Variants in RBM18 observed in about 807,000 individuals in gnomAD.
RBM18 encodes the protein RNA binding motif protein 18.
A neutral mutation model predicts 26.4 loss-of-function variants in RBM18; 18 were observed. The ratio of observed to expected loss-of-function variants is 0.68; its 90% CI spans 0.47 to 1.01. The LOEUF (loss-of-function observed/expected upper bound fraction) is 1.01, where lower values mean the gene tolerates loss of function less well. RBM18 is among the 50% of genes least tolerant of loss of function. RBM18 has a pLI of 0.00. For synonymous variants in RBM18, 74 were observed against 81.1 expected, an observed-to-expected ratio of 0.91 and a Z score of 0.47; for missense variants, 180 against 219.2, an observed-to-expected ratio of 0.82 and a Z score of 1.13.
chr9:122,258,947 C>A (rs1831743619), intron 2 of RBM18, among the ~76,000 whole-genome samples: 1 of 148,776 alleles, frequency 6.7e-6, no homozygotes, highest in African/African-American at 2.5e-5. Flanking sequence ...AAAAAAGAAT[C>A]TATAGGAAAA....
intron 2 of RBM18, among the ~76,000 whole-genome samples, chr9:122,258,682 G>A (rs1405575769): frequency 3.3e-5 from 5 of 152,100 alleles, no homozygotes; most frequent in Non-Finnish European, 7.4e-5. Flanking sequence ...GCTCACGCCT[G>A]TAATCCCAAC....
intron 3 of RBM18, among the ~76,000 whole-genome samples, chr9:122,249,451 G>A (rs1382346095): frequency 1.3e-5 from 2 of 152,062 alleles, no homozygotes; most frequent in Non-Finnish European, 2.9e-5. Flanking sequence ...GGTGGCTCAC[G>A]CCTGTAATTT....
chr9:122,249,950 A>G (rs959974331), intron 3 of RBM18, among the ~76,000 whole-genome samples: 7 of 150,754 alleles, frequency 4.6e-5, no homozygotes, highest in Admixed American at 4.0e-4. Context: ...ATGTGCCTGT[A>G]GTCCCAGCTA....
At chr9:122,246,004 A>G (rs1045613017) in intron 4 of RBM18, among the ~76,000 whole-genome samples, 6 of 151,990 alleles carry the variant, frequency 3.9e-5, no homozygotes, top group Non-Finnish European at 5.9e-5. Context: ...AAAACAAAAA[A>G]CCTTTAAATT....
Position 122,241,950 on chromosome 9 carries a change from G to T in RBM18, c.507C>A (p.Tyr169Ter), listed in dbSNP as rs202121880. The T allele has an allele frequency of 1.2e-6, 2 of 1,614,064 alleles. No homozygotes were observed. Among genetic ancestry groups the T allele is most frequent in the Non-Finnish European group, 1.7e-6 (2 of 1,179,964 alleles). The stretch of plus-strand genomic sequence containing the variant: ...TCCTTTTTTTATCTGGTGGCTTAAA[G>T]TAGGAATAAACAGGCGCTGCTGGAT... ...AEYPAAPVYS[Y>*]FKPPDKKRTT... Residue 169 changes from tyrosine (Y) to a stop codon, truncating the protein, a stop_gained, in exon 6 of 6, where the codon TAC (tyrosine) becomes TAA (stop). Coordinates refer to ENST00000417201, the MANE Select transcript of RBM18 (RefSeq NM_033117.4). LOFTEE classifies it high-confidence loss of function.
At position 122,237,624 on chromosome 9, in the gene RBM18, C is replaced by G. The variant is rs900535744; in HGVS notation, c.*4260G>C. On this transcript the variant is annotated 3_prime_UTR_variant, in exon 6 of 6. Coordinates refer to ENST00000417201, the MANE Select transcript of RBM18 (RefSeq NM_033117.4). ...GAGACATTGACTAAGAAACAATATTCGGTGCACATCATTCTGACATCTGTT... is the reference window on the plus strand; with the variant it reads ...GAGACATTGACTAAGAAACAATATTGGGTGCACATCATTCTGACATCTGTT... The G allele has an allele frequency of 3.9e-5, 6 of 152,214 alleles. No individual in the cohort carries two copies. Among genetic ancestry groups the G allele is most frequent in the African/African-American group, 7.2e-5 (3 of 41,454 alleles). The allele number at this position is 152,214 out of a possible 1,614,324, so 9.4% of individuals were successfully genotyped here.
intron 2 of RBM18, chr9:122,254,206 A>AAC: frequency 3.9e-6 from 1 of 258,892 alleles, no homozygotes; most frequent in Non-Finnish European, 6.1e-6. Context: ...GAAAAAAAAA[A>AAC]ACACACACAC....
rs752852889 is a variant in RBM18 at position 122,247,489 on chromosome 9, T to C, written c.327+29A>G. The C allele has an allele frequency of 4.4e-6, 7 of 1,591,652 alleles. No homozygotes were observed. The East Asian group carries it at 1.3e-4, about 31-fold the overall frequency. Reference sequence around the variant, plus strand: ...TCAGAAGGCTTGTTTAGGATGAGGCTTGATGTCTTTCTAGCCTCTCAGACG... The same window carrying C: ...TCAGAAGGCTTGTTTAGGATGAGGCCTGATGTCTTTCTAGCCTCTCAGACG... On this transcript the variant is annotated intron_variant, in intron 4 of 5. Coordinates refer to ENST00000417201, the MANE Select transcript of RBM18 (RefSeq NM_033117.4).
chr9:122,260,975 T>A (rs1465111523), intron 2 of RBM18, among the ~76,000 whole-genome samples: 1 of 152,084 alleles, frequency 6.6e-6, no homozygotes. Context: ...TAATATGAAT[T>A]ACAGTCAAGT....
Position 122,245,344 on chromosome 9 carries a change from G to C in RBM18, c.328-3C>G. On this transcript the variant is annotated splice_region_variant and splice_polypyrimidine_tract_variant and intron_variant, in intron 4 of 5. Transcript: ENST00000417201. ...TCATTCTTGTTATGATCATATCTCT[G>C]AAAATGAGAAATAGAGAAATTACTT... The C allele has an allele frequency of 6.3e-7, 1 of 1,584,554 alleles. No individual in the cohort carries two copies. Among genetic ancestry groups the C allele is most frequent in the Non-Finnish European group, 8.7e-7 (1 of 1,153,792 alleles).
chr9:122,261,606 G>A lies in RBM18; in HGVS notation c.-16-98C>T, dbSNP rs1275203306. 4 of 802,364 alleles carry A rather than the reference G, an allele frequency of 5.0e-6. No individual in the cohort carries two copies. In the African/African-American group the frequency reaches 5.1e-5, roughly 10 times the overall value. 49.7% of individuals were successfully genotyped at this position (802,364 alleles called of 1,614,324 possible). A position where few individuals can be genotyped will look rare whatever the true frequency, so the allele number is the denominator to read the frequency against. On this transcript the variant is annotated intron_variant, in intron 1 of 5. Coordinates refer to ENST00000417201, the MANE Select transcript of RBM18 (RefSeq NM_033117.4). ...ACAAACATTTATTCAAGGAGGGCAT[G>A]CCCTCTGGGCAGTCCTTCAAAGGCC...
chr9:122,241,170 A>G lies in RBM18; in HGVS notation c.*714T>C, dbSNP rs1202281886. On this transcript the variant is annotated 3_prime_UTR_variant, in exon 6 of 6. Coordinates refer to ENST00000417201, the MANE Select transcript of RBM18 (RefSeq NM_033117.4). Reference sequence around the variant, plus strand: ...TTTAGATTTGAAAAAAATGGTTGCTATAGAATAAAAGTTCAATTTCCAAAT... The same window carrying G: ...TTTAGATTTGAAAAAAATGGTTGCTGTAGAATAAAAGTTCAATTTCCAAAT... The G allele has an allele frequency of 1.3e-5, 2 of 152,258 alleles. No homozygotes were observed. The highest frequency in any genetic ancestry group is 3.8e-4 in the East Asian group (2 of 5,200). 9.4% of individuals were successfully genotyped at this position (152,258 alleles called of 1,614,324 possible). A position where few individuals can be genotyped will look rare whatever the true frequency, so the allele number is the denominator to read the frequency against.
chr9:122,241,838 G>A lies in RBM18; in HGVS notation c.*46C>T. 1 of 1,574,380 alleles carries A rather than the reference G, an allele frequency of 6.4e-7. No individual in the cohort carries two copies. The stretch of plus-strand genomic sequence containing the variant: ...CAAAGTACACAGGCAGACGATTTTA[G>A]GTGTGGAGACCAATTTGCTTTTGCT... On this transcript the variant is annotated 3_prime_UTR_variant, in exon 6 of 6. Transcript: ENST00000417201.
chr9:122,247,134 A>C (rs1387620331), intron 4 of RBM18, among the ~76,000 whole-genome samples: 1 of 152,192 alleles, frequency 6.6e-6, no homozygotes. Context: ...TAGAATAAAC[A>C]AATTCAAATC....
chr9:122,251,894 C>A lies in RBM18; in HGVS notation c.193G>T (p.Glu65Ter). ...AAACAGTAGCCTCGAGGCTGTCCCT[C>A]CAAAGCACCTGACTTGTGGAAGAGG... Reference protein sequence around the residue: ...DFLFHKSGALEGQPRGYCFVN... With the variant: ...DFLFHKSGAL Residue 65 changes from glutamate to a stop codon, truncating the protein, a stop_gained, in exon 3 of 6, where the codon GAG (glutamate) becomes TAG (stop). Transcript: ENST00000417201. LOFTEE classifies it high-confidence loss of function. The A allele has an allele frequency of 1.2e-6, 2 of 1,614,172 alleles. No homozygotes were observed. The highest frequency in any genetic ancestry group is 1.7e-6 in the Non-Finnish European group (2 of 1,180,008).
At chr9:122,261,280 G>C in intron 2 of RBM18, 100 bp downstream of exon 2, 2 of 786,798 alleles carry the variant, frequency 2.5e-6, no homozygotes, top group African/African-American at 3.4e-5. Flanking sequence ...TAAGTAAAAG[G>C]GTCTAAGTAT....
At chr9:122,242,973 G>A (rs561579855) in intron 5 of RBM18, among the ~76,000 whole-genome samples, 1 of 152,128 alleles carries the variant, frequency 6.6e-6, no homozygotes, top group South Asian at 2.1e-4. Context: ...ATTACAGGTA[G>A]CAAGCGCCAC....
intron 2 of RBM18, among the ~76,000 whole-genome samples, chr9:122,260,453 T>C (rs966809680): frequency 2.0e-5 from 3 of 152,204 alleles, no homozygotes; most frequent in Admixed American, 6.5e-5. Context: ...ACCCTCCCTC[T>C]ATCAAATAAC....
rs1455956074 is a variant in RBM18, at chr9:122,237,714, T to TA, written c.*4169dup. 5.9e-5 allele frequency: 9 copies of TA among 152,254 alleles called. No homozygotes were observed. Among genetic ancestry groups the TA allele is most frequent in the Non-Finnish European group, 1.3e-4 (9 of 68,048 alleles). The allele number at this position is 152,254 out of a possible 1,614,324, so 9.4% of individuals were successfully genotyped here. ...ACATTTCCAGTCATGGAATATTGTT[T>TA]AGAGTAGGGTTTGGCAAATTTTTCC... On this transcript the variant is annotated 3_prime_UTR_variant, in exon 6 of 6. Coordinates refer to ENST00000417201, the MANE Select transcript of RBM18 (RefSeq NM_033117.4).
Sources: gnomAD v4.1 joint callset for allele counts (sites outside exome capture counted in the v4.1 genomes callset) on GRCh38, gnomAD v4.1.1 for gene constraint, MANE v1.5 for transcripts, NCBI Gene and HGNC (gene_info 2026-07-23, HGNC 2026-07-21) for gene names.